Variants in NRXN1 observed in about 807,000 individuals in gnomAD.
The protein encoded by NRXN1 is neurexin-1.
In NRXN1, 39 loss-of-function variants were observed where a neutral mutation model predicts 150.9. The ratio of observed to expected loss-of-function variants is 0.26; its 90% CI spans 0.20 to 0.34. The LOEUF (loss-of-function observed/expected upper bound fraction) is 0.34. Ranked by LOEUF, NRXN1 falls within the 10% of genes least tolerant of loss-of-function variation. NRXN1 has a pLI of 1.00. For missense variants in NRXN1, 1,815 were observed against 1,949.9 expected, an observed-to-expected ratio of 0.93 and a Z score of 1.30; for synonymous variants, 924 against 757.0, an observed-to-expected ratio of 1.22 and a Z score of -3.62.
chr2:50,499,391 C>T (rs6734480), intron 13 of NRXN1, among the ~76,000 whole-genome samples: 1 of 151,810 alleles, frequency 6.6e-6, no homozygotes, highest in Admixed American at 6.6e-5. Context: ...ATTGTTTCGT[C>T]TCTCTCTACC....
chr2:50,911,571 C>A (rs982956179), intron 5 of NRXN1, among the ~76,000 whole-genome samples: 2 of 151,816 alleles, frequency 1.3e-5, no homozygotes, highest in Admixed American at 1.3e-4. Flanking sequence ...TCTTTCTCCA[C>A]AATTTCCAGA....
At chr2:50,300,094 G>T (rs1300236228) in intron 17 of NRXN1, among the ~76,000 whole-genome samples, 1 of 152,014 alleles carries the variant, frequency 6.6e-6, no homozygotes, top group Non-Finnish European at 1.5e-5. Flanking sequence ...GTGGGATAGA[G>T]AAATAGAAAA....
intron 5 of NRXN1, chr2:50,739,158 G>A: frequency 3.0e-6 from 1 of 332,136 alleles, no homozygotes; most frequent in South Asian, 2.5e-5. Flanking sequence ...ATCTGTAGAT[G>A]TCAAAAATTC....
intron 21 of NRXN1, among the ~76,000 whole-genome samples, chr2:49,975,677 A>G (rs1482482570): frequency 6.6e-6 from 1 of 152,150 alleles, no homozygotes; most frequent in African/African-American, 2.4e-5. Flanking sequence ...AACAAACTTT[A>G]TTCTTAAAAA....
At chr2:50,579,580 T>C (rs900578340) in intron 8 of NRXN1, among the ~76,000 whole-genome samples, 1 of 152,160 alleles carries the variant, frequency 6.6e-6, no homozygotes. Flanking sequence ...CTCTGGGAGA[T>C]TGAGGCTATA....
intron 21 of NRXN1, among the ~76,000 whole-genome samples, chr2:49,988,749 T>A (rs1467351439): frequency 1.3e-5 from 2 of 152,124 alleles, no homozygotes; most frequent in Non-Finnish European, 2.9e-5. Flanking sequence ...TGATTAATAT[T>A]TGAACTGTAA....
intron 21 of NRXN1, among the ~76,000 whole-genome samples, chr2:50,028,313 C>G (rs1688686811): frequency 6.6e-6 from 1 of 151,890 alleles, no homozygotes; most frequent in East Asian, 1.9e-4. Context: ...AGGTTTTTAC[C>G]CACTCTTCCT....
chr2:50,515,600 G>GGGGTGTGTGTGTGT (rs952552460), intron 12 of NRXN1, among the ~76,000 whole-genome samples: 67 of 143,510 alleles, frequency 4.7e-4, no homozygotes, highest in African/African-American at 1.7e-3. Context: ...AAATGCTTGG[G>GGGGTGTGTGTGTGT]GTGTGTGTGT....
chr2:50,071,254 T>C (rs546933232), intron 19 of NRXN1, among the ~76,000 whole-genome samples: 202 of 152,290 alleles, frequency 1.3e-3, no homozygotes, highest in Non-Finnish European at 2.2e-3. Flanking sequence ...TCATTGAAAA[T>C]AAGCAGTTTG....
chr2:50,287,198 T>G (rs773819068), intron 17 of NRXN1, among the ~76,000 whole-genome samples: 1 of 152,154 alleles, frequency 6.6e-6, no homozygotes, highest in African/African-American at 2.4e-5. Context: ...TTTGTGTACC[T>G]AGGTCTCACA....
At chr2:50,532,286 T>C (rs966820963) in intron 10 of NRXN1, among the ~76,000 whole-genome samples, 1 of 150,576 alleles carries the variant, frequency 6.6e-6, no homozygotes, top group Non-Finnish European at 1.5e-5. Context: ...TGAAAACCTG[T>C]AGTTCTAGGA....
intron 17 of NRXN1, among the ~76,000 whole-genome samples, chr2:50,438,428 G>C (rs929477513): frequency 1.3e-5 from 2 of 150,030 alleles, no homozygotes; most frequent in Non-Finnish European, 2.9e-5. Flanking sequence ...CCTTCTGACT[G>C]CACTGGAACT....
Position 50,697,919 on chromosome 2 carries a change from C to G in NRXN1, c.833-74304G>C, listed in dbSNP as rs558159271. 2.0e-5 allele frequency among the ~76,000 whole-genome samples: 3 copies of G among 152,302 alleles called. No individual in the cohort carries two copies. In the East Asian group the frequency reaches 5.8e-4, roughly 29 times the overall value. On this transcript the variant is annotated intron_variant, in intron 5 of 22. Transcript: ENST00000401669. Reference sequence around the variant, plus strand: ...CTCCATAGCTCTTCACACGGCTGCACTTCCTGCTACTCTCACTTAAAGTCA... The same window carrying G: ...CTCCATAGCTCTTCACACGGCTGCAGTTCCTGCTACTCTCACTTAAAGTCA...
rs2076648405 is a variant in NRXN1, at chr2:50,329,615, G to GTGTGTA, written c.3365-92646_3365-92645insTACACA. Among the ~76,000 whole-genome samples, 9 of 15,800 alleles carry GTGTGTA rather than the reference G, an allele frequency of 5.7e-4. 1 individual carries two copies. The highest frequency in any genetic ancestry group is 2.2e-3 in the African/African-American group (9 of 4,000). 10.4% of individuals were successfully genotyped at this position (15,800 alleles called of 152,430 possible). ...TGTGTGTGTGTGTGTGTGTGTGTGT[G>GTGTGTA]TGTATATATATATATATATATATAT... On this transcript the variant is annotated intron_variant, in intron 17 of 22. Coordinates refer to ENST00000401669, the MANE Select transcript of NRXN1 (RefSeq NM_001330078.2).
In NRXN1 at chr2:50,951,961, A is replaced by ATTT. The variant is rs1312943065; in HGVS notation, c.773-26007_773-26006insAAA. ...TGAATAAATATATATATATATATAT[A>ATTT]TATTTTTTTTTTTTTTTTTTTTTGA... On this transcript the variant is annotated intron_variant, in intron 2 of 22. Transcript: ENST00000401669. Among the ~76,000 whole-genome samples the ATTT allele has an allele frequency of 3.2e-3, 268 of 82,536 alleles. 1 individual carries two copies. Among genetic ancestry groups the ATTT allele is most frequent in the African/African-American group, 7.4e-3 (124 of 16,718 alleles). 54.1% of individuals were successfully genotyped at this position (82,536 alleles called of 152,430 possible).
intron 18 of NRXN1, among the ~76,000 whole-genome samples, chr2:50,174,385 T>C (rs1003868687): frequency 1.3e-5 from 2 of 152,120 alleles, no homozygotes; most frequent in Non-Finnish European, 2.9e-5. Context: ...AAATAAAAGA[T>C]CCATGTAAAG....
intron 21 of NRXN1, chr2:49,974,000 T>G (rs1210908905): frequency 1.4e-6 from 1 of 717,460 alleles, no homozygotes; most frequent in South Asian, 1.5e-5. Context: ...CTCATATCCA[T>G]GTCTGTCTGG....
At chr2:50,323,551 C>T (rs1558524959) in intron 17 of NRXN1, among the ~76,000 whole-genome samples, 1 of 149,168 alleles carries the variant, frequency 6.7e-6, no homozygotes, top group Non-Finnish European at 1.5e-5. Context: ...AGACTGACAA[C>T]GCAAGTTTCG....
chr2:50,142,343 CA>C (rs1054473438), intron 18 of NRXN1, among the ~76,000 whole-genome samples: 1 of 151,478 alleles, frequency 6.6e-6, no homozygotes, highest in East Asian at 1.9e-4. Flanking sequence ...AGAGGTAGGA[CA>C]GGGGGTATAA....
Sources: allele counts gnomAD v4.1 joint callset (sites outside exome capture counted in the v4.1 genomes callset), GRCh38; gene constraint gnomAD v4.1.1; transcripts MANE v1.5; gene names NCBI Gene and HGNC (gene_info 2026-07-23, HGNC 2026-07-21).